Variants in TRIM35 observed in about 807,000 individuals in gnomAD.
TRIM35 encodes E3 ubiquitin-protein ligase TRIM35.
In TRIM35, 37 loss-of-function variants were observed where a neutral mutation model predicts 49.1. The ratio of observed to expected loss-of-function variants is 0.75; its 90% CI spans 0.58 to 0.99. The LOEUF is 0.99. Ranked by LOEUF, TRIM35 falls within the 50% of genes least tolerant of loss-of-function variation. The probability of loss-of-function intolerance (pLI) is 0.00; values close to 1 mark genes in which losing one functional copy is unlikely to be tolerated. For missense variants in TRIM35, 648 were observed against 702.7 expected (o/e 0.92, Z 0.88); for synonymous variants, 302 against 289.3 (o/e 1.04, Z -0.45).
intron 1 of TRIM35, among the ~76,000 whole-genome samples, chr8:27,310,522 C>A (rs1802905267): frequency 6.6e-6 from 1 of 152,272 alleles, no homozygotes; most frequent in African/African-American, 2.4e-5. Flanking sequence ...GGTGCATGGC[C>A]TGGGCCCTTC....
chr8:27,303,038 CA>C (rs1254210532), intron 1 of TRIM35, among the ~76,000 whole-genome samples: 1 of 152,138 alleles, frequency 6.6e-6, no homozygotes, highest in Non-Finnish European at 1.5e-5. Context: ...AATGTTTTGC[CA>C]TTAAATGTGA....
intron 1 of TRIM35, among the ~76,000 whole-genome samples, chr8:27,309,523 G>A (rs922649156): frequency 6.6e-6 from 1 of 152,104 alleles, no homozygotes; most frequent in African/African-American, 2.4e-5. Context: ...AAGAAGGCAG[G>A]GCCACAGAGG....
At chr8:27,296,019 T>C (rs752443558) in intron 2 of TRIM35, among the ~76,000 whole-genome samples, 50 of 152,190 alleles carry the variant, frequency 3.3e-4, no homozygotes, top group Admixed American at 2.0e-4. Flanking sequence ...TAAATGACTA[T>C]TATGCTTGTG....
intron 2 of TRIM35, among the ~76,000 whole-genome samples, chr8:27,297,849 G>C (rs758611898): frequency 1.3e-5 from 2 of 152,220 alleles, no homozygotes; most frequent in Admixed American, 6.5e-5. Flanking sequence ...GCAGGGTCAG[G>C]AGATGGCCTT....
chr8:27,308,520 C>T (rs1347519093), intron 1 of TRIM35, among the ~76,000 whole-genome samples: 3 of 152,202 alleles, frequency 2.0e-5, no homozygotes, highest in Admixed American at 2.0e-4. Flanking sequence ...CCCTTCTTAC[C>T]AAGTGGTGGA....
intron 1 of TRIM35, among the ~76,000 whole-genome samples, chr8:27,304,478 G>C (rs1039683555): frequency 1.3e-5 from 2 of 152,164 alleles, no homozygotes; most frequent in Non-Finnish European, 2.9e-5. Context: ...TGCCAGCTCA[G>C]GTTCCATTCC....
chr8:27,286,220 C>G lies in TRIM35; in HGVS notation c.*1330G>C. On this transcript the variant is annotated 3_prime_UTR_variant, in exon 6 of 6. Coordinates refer to ENST00000305364, the MANE Select transcript of TRIM35 (RefSeq NM_171982.5). ...AGATTAAAAACTCTTCAGAGATGTG[C>G]GAGAAAAAACAAGCCCAGGGAAAAG... 2.2e-6 allele frequency: 1 copy of G among 450,614 alleles called. No homozygotes were observed. The highest frequency in any genetic ancestry group is 4.5e-6 in the Non-Finnish European group (1 of 224,558). The allele number at this position is 450,614 out of a possible 1,614,324, so 27.9% of individuals were successfully genotyped here.
At position 27,294,132 on chromosome 8, in the gene TRIM35, T is replaced by G; in HGVS notation, c.710A>C (p.Glu237Ala). 1 of 1,614,244 alleles carries G rather than the reference T, an allele frequency of 6.2e-7. No homozygotes were observed. The highest frequency in any genetic ancestry group is 8.5e-7 in the Non-Finnish European group (1 of 1,180,046). Residue 237 changes from glutamate (E) to alanine (A), a missense_variant, in exon 3 of 6, where the codon GAG becomes GCG. By Grantham distance (107) the Glu-to-Ala change is moderately radical. Transcript: ENST00000305364. ...LTEETEVLAHEIERLQMEMKE... is the reference protein window; with the variant it reads ...LTEETEVLAHAIERLQMEMKE... ...CATCTCCATCTGCAGCCGCTCGATCTCATGTGCCAGCACCTCCGTCTCCTC... is the reference window on the plus strand; with the variant it reads ...CATCTCCATCTGCAGCCGCTCGATCGCATGTGCCAGCACCTCCGTCTCCTC...
chr8:27,298,594 G>A, intron 1 of TRIM35, 35 bp from the exon 2 acceptor site: 1 of 1,582,970 alleles, frequency 6.3e-7, no homozygotes, highest in Admixed American at 1.7e-5. Context: ...AGGAAGACAG[G>A]TTAGGGCTGG....
chr8:27,307,207 T>C (rs1205109551), intron 1 of TRIM35, among the ~76,000 whole-genome samples: 4 of 152,248 alleles, frequency 2.6e-5, no homozygotes, highest in South Asian at 2.1e-4. Flanking sequence ...CATGCGCCAC[T>C]GCACCTACGA....
At position 27,285,571 on chromosome 8, in the gene TRIM35, T is replaced by C. The variant is rs980992921; in HGVS notation, c.*1979A>G. 1 of 151,800 alleles carries C rather than the reference T, an allele frequency of 6.6e-6. No homozygotes were observed. The highest frequency in any genetic ancestry group is 2.1e-4 in the South Asian group (1 of 4,814). The allele number at this position is 151,800 out of a possible 1,614,324, so 9.4% of individuals were successfully genotyped here. A position where few individuals can be genotyped will look rare whatever the true frequency, so the allele number is the denominator to read the frequency against. ...CACATGCTACAACATGGATGAACTT[T>C]GCTTATAAGAACATTGAAAAGAAAA... On this transcript the variant is annotated 3_prime_UTR_variant, in exon 6 of 6. Transcript: ENST00000305364.
chr8:27,293,995 G>T, intron 3 of TRIM35, 85 bp downstream of exon 3: 1 of 1,365,332 alleles, frequency 7.3e-7, no homozygotes, highest in Non-Finnish European at 1.0e-6. Flanking sequence ...GGAAGATGAC[G>T]TTGGCCAGGG....
Position 27,310,845 on chromosome 8 carries a change from C to T in TRIM35, c.391G>A (p.Gly131Arg), listed in dbSNP as rs1802922936. 1 of 1,609,220 alleles carries T rather than the reference C, an allele frequency of 6.2e-7. No individual in the cohort carries two copies. Among genetic ancestry groups the T allele is most frequent in the East Asian group, 2.2e-5 (1 of 44,708 alleles). ...TCCTTCACCGGCTGCACGCGGTGCC[C>T]CTGGTGTCGGGGGTCGGCCTGGCAG... ...CSCQADPRHQ[G>R]HRVQPVKDTA... Residue 131 changes from glycine to arginine, a missense_variant, in exon 1 of 6, where the codon GGG (glycine) becomes AGG (arginine). By Grantham distance (125) the Gly-to-Arg change is moderately radical. Coordinates refer to ENST00000305364, the MANE Select transcript of TRIM35 (RefSeq NM_171982.5).
In TRIM35 at chr8:27,287,443, C is replaced by G; in HGVS notation, c.*107G>C. 3.3e-6 allele frequency: 4 copies of G among 1,208,426 alleles called. No homozygotes were observed. Among genetic ancestry groups the G allele is most frequent in the South Asian group, 1.6e-5 (1 of 62,948 alleles). 74.9% of individuals were successfully genotyped at this position (1,208,426 alleles called of 1,614,324 possible). A position where few individuals can be genotyped will look rare whatever the true frequency, so the allele number is the denominator to read the frequency against. On this transcript the variant is annotated 3_prime_UTR_variant, in exon 6 of 6. Coordinates refer to ENST00000305364, the MANE Select transcript of TRIM35 (RefSeq NM_171982.5). The surrounding 1 kb of genome is among the most constrained non-coding windows in gnomAD (Gnocchi z 6.0). Reference sequence around the variant, plus strand: ...GACCAGGCAGGACAGGAGGAAGAGCCTGGCAAGGAGGCAGGGGCGCAATAG... The same window carrying G: ...GACCAGGCAGGACAGGAGGAAGAGCGTGGCAAGGAGGCAGGGGCGCAATAG...
Position 27,286,419 on chromosome 8 carries a change from G to C in TRIM35, c.*1131C>G. On this transcript the variant is annotated 3_prime_UTR_variant, in exon 6 of 6. Coordinates refer to ENST00000305364, the MANE Select transcript of TRIM35 (RefSeq NM_171982.5). ...CCACCCCTCTCCTTTCTTCCCAACT[G>C]AAAAGGGTGCCCTCTTTCCTTCTTT... is the stretch of plus-strand genomic sequence containing the variant. 1 of 298,658 alleles carries C rather than the reference G, an allele frequency of 3.3e-6. No individual in the cohort carries two copies. 18.5% of individuals were successfully genotyped at this position (298,658 alleles called of 1,614,324 possible). A position where few individuals can be genotyped will look rare whatever the true frequency, so the allele number is the denominator to read the frequency against.
intron 1 of TRIM35, among the ~76,000 whole-genome samples, chr8:27,299,236 G>A (rs954850197): frequency 6.6e-6 from 1 of 152,172 alleles, no homozygotes; most frequent in African/African-American, 2.4e-5. Context: ...ACAACTTGAA[G>A]AACCACTAGA....
At chr8:27,298,361 C>G in intron 2 of TRIM35, 103 bp downstream of exon 2, 1 of 1,077,258 alleles carries the variant, frequency 9.3e-7, no homozygotes, top group Non-Finnish European at 1.4e-6. Context: ...GACCTCTACC[C>G]AGCGGGTTAT....
chr8:27,303,217 C>G (rs1802714482), intron 1 of TRIM35, among the ~76,000 whole-genome samples: 2 of 152,184 alleles, frequency 1.3e-5, no homozygotes, highest in South Asian at 4.1e-4. Flanking sequence ...GTTTTCTTAT[C>G]CAGTCAGATC....
chr8:27,295,060 G>C (rs1330653014), intron 2 of TRIM35, among the ~76,000 whole-genome samples: 1 of 152,148 alleles, frequency 6.6e-6, no homozygotes, highest in African/African-American at 2.4e-5. Context: ...CTGACTTAAG[G>C]TGATCTGCCC....
Sources: gnomAD v4.1 joint callset for allele counts (sites outside exome capture counted in the v4.1 genomes callset) on GRCh38, gnomAD v4.1.1 for gene constraint, Gnocchi (gnomAD v3.1) non-coding constraint, MANE v1.5 for transcripts, NCBI Gene and HGNC (gene_info 2026-07-23, HGNC 2026-07-21) for gene names.